The following CSMD1 variants were observed in gnomAD, a reference collection of about 807,000 sequenced individuals.
CSMD1 encodes the protein CUB and sushi domain-containing protein 1.
CSMD1 carries 213 observed loss-of-function variants against 417.5 expected under a neutral mutation model. That is an observed-to-expected ratio of 0.51 (90% CI 0.46 to 0.57). The LOEUF is 0.57. Ranked by LOEUF, CSMD1 falls within the 20% of genes least tolerant of loss-of-function variation. The pLI, the probability that CSMD1 is intolerant of heterozygous loss-of-function variation, is 0.00. For missense variants in CSMD1, 6,923 were observed against 4,529.7 expected (o/e 1.53, Z -15.17); for synonymous variants, 2,862 against 1,736.8 (o/e 1.65, Z -16.11).
At chr8:4,297,694 C>T (rs375115428) in intron 3 of CSMD1, among the ~76,000 whole-genome samples, 9 of 152,108 alleles carry the variant, frequency 5.9e-5, no homozygotes, top group South Asian at 2.1e-4. Context: ...AGCATTAACC[C>T]GGAGCCATCG....
chr8:3,759,607 TA>T (rs1386072558), intron 5 of CSMD1, among the ~76,000 whole-genome samples: 1 of 151,808 alleles, frequency 6.6e-6, no homozygotes, highest in Non-Finnish European at 1.5e-5. Flanking sequence ...TAAAAGAGAA[TA>T]GGGTGCCAGG....
At chr8:4,254,117 C>G (rs372314129) in intron 3 of CSMD1, among the ~76,000 whole-genome samples, 2 of 151,868 alleles carry the variant, frequency 1.3e-5, no homozygotes, top group African/African-American at 4.8e-5. Context: ...CAGGGTTTCA[C>G]CGTGTTAGCC....
At position 3,088,908 on chromosome 8, in the gene CSMD1, C is replaced by G. The variant is rs1183805557; in HGVS notation, c.7286-1623G>C. On this transcript the variant is annotated intron_variant, in intron 48 of 69. Transcript: ENST00000635120. ...AACAATCAGACTGTAGATTCCTCTC[C>G]AAAGTCATAGATAAGTTAAATAAAG... 2.0e-5 allele frequency among the ~76,000 whole-genome samples: 3 copies of G among 151,138 alleles called. No homozygotes were observed. In the East Asian group the frequency reaches 5.8e-4, roughly 29 times the overall value.
At position 4,854,812 on chromosome 8, in the gene CSMD1, T is replaced by A. The variant is rs186169859; in HGVS notation, c.85+139520A>T. 2.2e-3 allele frequency among the ~76,000 whole-genome samples: 337 copies of A among 152,188 alleles called. 2 individuals carry two copies. Among genetic ancestry groups the A allele is most frequent in the African/African-American group, 7.8e-3 (323 of 41,550 alleles). On this transcript the variant is annotated intron_variant, in intron 1 of 69. Transcript: ENST00000635120. ...CTAGCACAGCAGTCTGAGATCAAAC[T>A]GCAAGGCAGCAGCGAGGCTGGGGGA...
At chr8:3,870,331 T>C (rs1353960587) in intron 5 of CSMD1, among the ~76,000 whole-genome samples, 2 of 152,206 alleles carry the variant, frequency 1.3e-5, no homozygotes. Context: ...ATTTTTACTA[T>C]GATGATTTGT....
Position 3,525,331 on chromosome 8 carries a change from G to A in CSMD1, c.1345-31605C>T, listed in dbSNP as rs145676277. Among the ~76,000 whole-genome samples the A allele has an allele frequency of 9.5e-3, 1,440 of 152,264 alleles. 11 individuals are homozygous for A. Among genetic ancestry groups the A allele is most frequent in the Middle Eastern group, 0.014 (4 of 294 alleles). ...ATTAGCATTTCCAGTGAGAAGGGCA[G>A]CATTTCAAAAGCACTCTGGGAGGCA... On this transcript the variant is annotated intron_variant, in intron 10 of 69. Transcript: ENST00000635120.
intron 3 of CSMD1, among the ~76,000 whole-genome samples, chr8:4,238,659 G>C (rs1203148823): frequency 6.6e-6 from 1 of 152,182 alleles, no homozygotes; most frequent in Non-Finnish European, 1.5e-5. Context: ...GTGTCTTGAA[G>C]CCAACAACCC....
chr8:4,148,883 G>A (rs1400169674), intron 3 of CSMD1, among the ~76,000 whole-genome samples: 4 of 152,124 alleles, frequency 2.6e-5, no homozygotes, highest in African/African-American at 9.7e-5. Flanking sequence ...GACACAGCCT[G>A]CATTCCATTC....
intron 26 of CSMD1, chr8:3,279,240 T>C (rs1802546914): frequency 6.6e-6 from 1 of 152,180 alleles, no homozygotes; most frequent in African/African-American, 2.4e-5. Context: ...CGAGGGAATA[T>C]AATGACTAGT....
chr8:3,152,102 C>A (rs1331202067), intron 39 of CSMD1, among the ~76,000 whole-genome samples: 1 of 152,178 alleles, frequency 6.6e-6, no homozygotes, highest in African/African-American at 2.4e-5. Context: ...ACATGACTGT[C>A]AGATAGCTTT....
intron 5 of CSMD1, among the ~76,000 whole-genome samples, chr8:3,789,839 C>T (rs1308863586): frequency 1.3e-5 from 2 of 149,876 alleles, no homozygotes; most frequent in Admixed American, 6.8e-5. Flanking sequence ...TTGCACCATT[C>T]TCCTGCCTCA....
intron 12 of CSMD1, among the ~76,000 whole-genome samples, chr8:3,439,014 C>T (rs1212663819): frequency 6.8e-5 from 10 of 147,684 alleles, no homozygotes; most frequent in Non-Finnish European, 1.3e-4. Flanking sequence ...CCCAGCTACC[C>T]AGGAGGCTGA....
In CSMD1 at chr8:3,417,893, T is replaced by G. The variant is rs940772679; in HGVS notation, c.1562-8288A>C. The stretch of plus-strand genomic sequence containing the variant: ...TGGACGTGGCACATGCTCCCGGCAT[T>G]ACTGAAAACCATATGACACAGCACA... On this transcript the variant is annotated intron_variant, in intron 12 of 69. Transcript: ENST00000635120. Among the ~76,000 whole-genome samples the G allele has an allele frequency of 2.0e-5, 3 of 152,318 alleles. No homozygotes were observed. The South Asian group carries it at 6.2e-4, about 32-fold the overall frequency.
At chr8:3,602,803 C>CGAGATG (rs1801426476) in intron 8 of CSMD1, among the ~76,000 whole-genome samples, 2 of 151,854 alleles carry the variant, frequency 1.3e-5, no homozygotes, top group East Asian at 3.9e-4. Flanking sequence ...AAATAGTCCC[C>CGAGATG]GAGATGGCAT....
chr8:3,156,697 G>A (rs1477858768), intron 39 of CSMD1, among the ~76,000 whole-genome samples: 1 of 152,102 alleles, frequency 6.6e-6, no homozygotes, highest in East Asian at 1.9e-4. Context: ...AATCTATGAT[G>A]AACAAAATAT....
intron 52 of CSMD1, among the ~76,000 whole-genome samples, chr8:3,016,473 G>C (rs1808845571): frequency 6.6e-6 from 1 of 152,108 alleles, no homozygotes; most frequent in Non-Finnish European, 1.5e-5. Context: ...TTTGATAAAG[G>C]AATATGCTTC....
At chr8:3,991,068 A>C (rs955717705) in intron 5 of CSMD1, among the ~76,000 whole-genome samples, 1 of 152,206 alleles carries the variant, frequency 6.6e-6, no homozygotes, top group South Asian at 2.1e-4. Flanking sequence ...TCTTTCCCAG[A>C]AATTCCTTCG....
At chr8:4,788,779 C>A (rs755456347) in intron 1 of CSMD1, among the ~76,000 whole-genome samples, 1 of 152,076 alleles carries the variant, frequency 6.6e-6, no homozygotes, top group South Asian at 2.1e-4. Context: ...TAAAGGGAAA[C>A]TATCATGCTT....
intron 1 of CSMD1, among the ~76,000 whole-genome samples, chr8:4,774,666 G>A (rs1252001059): frequency 6.6e-6 from 1 of 152,054 alleles, no homozygotes; most frequent in Admixed American, 6.6e-5. Flanking sequence ...CTCTAATGTT[G>A]GAGATGGCAG....
Sources: gnomAD v4.1 joint callset for allele counts (sites outside exome capture counted in the v4.1 genomes callset) on GRCh38, gnomAD v4.1.1 for gene constraint, MANE v1.5 for transcripts, NCBI Gene and HGNC (gene_info 2026-07-23, HGNC 2026-07-21) for gene names.